Variants in DPP10 observed in about 807,000 individuals in gnomAD.
DPP10 encodes inactive dipeptidyl peptidase 10.
In DPP10, 33 loss-of-function variants were observed where a neutral mutation model predicts 120.9. That is an observed-to-expected ratio of 0.27 (90% CI 0.21 to 0.37). The LOEUF (loss-of-function observed/expected upper bound fraction) is 0.37. DPP10 is among the 10% of genes least tolerant of loss of function. DPP10 has a pLI of 1.00. For synonymous variants in DPP10, 337 were observed against 326.1 expected, an observed-to-expected ratio of 1.03 and a Z score of -0.36; for missense variants, 816 against 942.8, an observed-to-expected ratio of 0.87 and a Z score of 1.76.
chr2:114,917,412 A>G (rs1413393728), intron 1 of DPP10, among the ~76,000 whole-genome samples: 2 of 152,168 alleles, frequency 1.3e-5, no homozygotes, highest in Non-Finnish European at 2.9e-5. Flanking sequence ...TACAGATTCA[A>G]TGCTATTCCT....
intron 1 of DPP10, among the ~76,000 whole-genome samples, chr2:114,465,213 T>C (rs72949869): frequency 0.043 from 6,509 of 152,262 alleles, 461 homozygotes; most frequent in African/African-American, 0.15. Context: ...GAAGATAATA[T>C]CGTCCACGTG....
chr2:114,736,574 T>A (rs1369925829), intron 1 of DPP10, among the ~76,000 whole-genome samples: 1 of 152,210 alleles, frequency 6.6e-6, no homozygotes, highest in Non-Finnish European at 1.5e-5. Flanking sequence ...GAAAAATTTA[T>A]AGTTAATTAT....
chr2:115,220,352 GTT>G (rs2057072804), intron 1 of DPP10, among the ~76,000 whole-genome samples: 1 of 152,110 alleles, frequency 6.6e-6, no homozygotes, highest in South Asian at 2.1e-4. Context: ...TTTCCAATTA[GTT>G]ACCTCGTGTA....
At chr2:115,158,240 A>G (rs2104940900) in intron 1 of DPP10, among the ~76,000 whole-genome samples, 1 of 152,342 alleles carries the variant, frequency 6.6e-6, no homozygotes, top group East Asian at 1.9e-4. Context: ...AAAACACTAT[A>G]ACGATAATCT....
At chr2:115,526,048 A>G (rs1412611367) in intron 5 of DPP10, 76 bp downstream of exon 5, 2 of 1,272,172 alleles carry the variant, frequency 1.6e-6, no homozygotes, top group Middle Eastern at 1.9e-4. Flanking sequence ...TTACTCAGCT[A>G]TAACTCACCT....
chr2:114,797,320 T>C (rs560188834), intron 1 of DPP10, among the ~76,000 whole-genome samples: 2 of 152,286 alleles, frequency 1.3e-5, no homozygotes, highest in South Asian at 4.1e-4. Context: ...AGGCGTGTGA[T>C]GTATTGACAA....
At chr2:115,107,000 G>A (rs1290403913) in intron 1 of DPP10, among the ~76,000 whole-genome samples, 1 of 151,588 alleles carries the variant, frequency 6.6e-6, no homozygotes, top group Non-Finnish European at 1.5e-5. Context: ...ACGTGAACCC[G>A]GGAGGCGGAG....
chr2:115,702,170 G>C lies in DPP10; in HGVS notation c.576+12249G>C, dbSNP rs114886882. ...TAATTTCCTTGTTCCTCAAGGTTAA[G>C]TTCCTTGTTCTTCAAGGTCAAGTTT... On this transcript the variant is annotated intron_variant, in intron 7 of 25. Transcript: ENST00000410059. Among the ~76,000 whole-genome samples, 717 of 152,070 alleles carry C rather than the reference G, an allele frequency of 4.7e-3. 5 individuals carry two copies. The highest frequency in any genetic ancestry group is 0.017 in the African/African-American group (692 of 41,520).
intron 1 of DPP10, among the ~76,000 whole-genome samples, chr2:114,560,989 T>C (rs771444576): frequency 3.9e-5 from 6 of 152,200 alleles, no homozygotes; most frequent in Non-Finnish European, 8.8e-5. Context: ...AATGAACTTT[T>C]GTGTTCTCAC....
chr2:115,326,793 A>T (rs2062392500), intron 2 of DPP10, among the ~76,000 whole-genome samples: 1 of 152,102 alleles, frequency 6.6e-6, no homozygotes, highest in Non-Finnish European at 1.5e-5. Context: ...TCAGTTGTCA[A>T]ATGTGTTTTT....
intron 19 of DPP10, among the ~76,000 whole-genome samples, chr2:115,814,209 AAT>A (rs1226510453): frequency 1.3e-5 from 2 of 152,144 alleles, no homozygotes; most frequent in African/African-American, 4.8e-5. Flanking sequence ...GATAAAAAAG[AAT>A]TTTTCTCACT....
intron 1 of DPP10, among the ~76,000 whole-genome samples, chr2:114,490,915 C>T (rs1056009190): frequency 3.9e-5 from 6 of 152,118 alleles, no homozygotes; most frequent in African/African-American, 1.4e-4. Flanking sequence ...GATATTAATG[C>T]TGCCACGCTA....
chr2:115,158,724 G>A (rs1367602205), intron 1 of DPP10, among the ~76,000 whole-genome samples: 1 of 152,160 alleles, frequency 6.6e-6, no homozygotes, highest in Non-Finnish European at 1.5e-5. Flanking sequence ...GTTATAAAAT[G>A]TATGCTTGTC....
intron 1 of DPP10, among the ~76,000 whole-genome samples, chr2:115,003,331 G>A (rs903729465): frequency 1.3e-5 from 2 of 152,028 alleles, no homozygotes; most frequent in African/African-American, 4.8e-5. Context: ...TGGACACAAA[G>A]AGGGGAACAA....
intron 1 of DPP10, among the ~76,000 whole-genome samples, chr2:115,064,176 C>T (rs1706654226): frequency 6.6e-6 from 1 of 151,684 alleles, no homozygotes; most frequent in African/African-American, 2.4e-5. Context: ...AATGTTAAAG[C>T]CTCTGATTTA....
chr2:115,795,080 A>G (rs184754994), intron 19 of DPP10, among the ~76,000 whole-genome samples: 291 of 152,308 alleles, frequency 1.9e-3, no homozygotes, highest in African/African-American at 6.8e-3. Context: ...GGTGTTGTGG[A>G]AAATGCCCTG....
chr2:114,471,203 G>A (rs1327403864), intron 1 of DPP10, among the ~76,000 whole-genome samples: 1 of 152,074 alleles, frequency 6.6e-6, no homozygotes, highest in Non-Finnish European at 1.5e-5. Context: ...TATGATGCTG[G>A]CAATAAAAGC....
rs200287150 is a variant in DPP10 at position 115,270,886 on chromosome 2, TTG to T, written c.61-38351_61-38350del. ...ATTTGAAATCTATTTGTTCTTTATA[TTG>T]TTTTTTTTTAAGTTTATCTTCATTA... On this transcript the variant is annotated intron_variant, in intron 1 of 25. Coordinates refer to ENST00000410059, the MANE Select transcript of DPP10 (RefSeq NM_020868.6). 4.5e-3 allele frequency among the ~76,000 whole-genome samples: 610 copies of T among 135,480 alleles called. 3 individuals are homozygous for T. Among genetic ancestry groups the T allele is most frequent in the South Asian group, 9.9e-3 (41 of 4,156 alleles). 88.9% of individuals were successfully genotyped at this position (135,480 alleles called of 152,430 possible).
At chr2:114,624,306 G>A (rs565995289) in intron 1 of DPP10, among the ~76,000 whole-genome samples, 10 of 152,096 alleles carry the variant, frequency 6.6e-5, no homozygotes, top group Admixed American at 6.6e-4. Context: ...TGTTCAGGAA[G>A]TGATGAACAG....
Sources: allele counts gnomAD v4.1 joint callset (sites outside exome capture counted in the v4.1 genomes callset), GRCh38; gene constraint gnomAD v4.1.1; transcripts MANE v1.5; gene names NCBI Gene and HGNC (gene_info 2026-07-23, HGNC 2026-07-21).